The following PPM1B variants were observed in gnomAD, a reference collection of about 807,000 sequenced individuals.
PPM1B encodes protein phosphatase 1B.
A neutral mutation model predicts 43.0 loss-of-function variants in PPM1B; 22 were observed. The observed-to-expected ratio is 0.51, with a 90% confidence interval of 0.37 to 0.73. The LOEUF (loss-of-function observed/expected upper bound fraction) is 0.73. Ranked by LOEUF, PPM1B falls within the 30% of genes least tolerant of loss-of-function variation. PPM1B has a pLI of 0.00. For synonymous variants in PPM1B, 217 were observed against 197.9 expected (o/e 1.10, Z -0.81); for missense variants, 632 against 584.2 (o/e 1.08, Z -0.84).
chr2:44,229,112 G>C (rs919439072), intron 5 of PPM1B, among the ~76,000 whole-genome samples: 4 of 151,664 alleles, frequency 2.6e-5, no homozygotes, highest in Non-Finnish European at 1.5e-5. Context: ...AATCCTCGAG[G>C]TGGAGGTTGT....
At chr2:44,235,746 C>G (rs573631046), downstream of PPM1B, among the ~76,000 whole-genome samples, 1 of 151,550 alleles carries the variant, frequency 6.6e-6, no homozygotes, top group South Asian at 2.1e-4. Context: ...CAAAAAAATT[C>G]TAAGTACTCT....
chr2:44,236,953 G>A (rs574557133), downstream of PPM1B, among the ~76,000 whole-genome samples: 1 of 152,294 alleles, frequency 6.6e-6, no homozygotes, highest in Non-Finnish European at 1.5e-5. Context: ...AGCAAAGTGT[G>A]ATGTTTTTCA....
At position 44,205,515 on chromosome 2, in the gene PPM1B, T is replaced by A. The variant is rs1020594980; in HGVS notation, c.846+3470T>A. 4.1e-4 allele frequency among the ~76,000 whole-genome samples: 63 copies of A among 152,156 alleles called. 1 individual carries two copies. The highest frequency in any genetic ancestry group is 9.7e-5 in the African/African-American group (4 of 41,438). ...TCCCCTTGATGTTTCTGCTTTCCAG[T>A]CTCATCTCACTTAGGGAACCACTGC... On this transcript the variant is annotated intron_variant, in intron 2 of 5. Coordinates refer to ENST00000282412, the MANE Select transcript of PPM1B (RefSeq NM_002706.6).
Sources: gnomAD v4.1 joint callset for allele counts (sites outside exome capture counted in the v4.1 genomes callset) on GRCh38, gnomAD v4.1.1 for gene constraint, MANE v1.5 for transcripts, NCBI Gene and HGNC (gene_info 2026-07-23, HGNC 2026-07-21) for gene names.